Variants in ARHGEF26 observed in about 807,000 individuals in gnomAD.
The protein encoded by ARHGEF26 is Rho guanine nucleotide exchange factor 26.
Under a neutral mutation model 89.4 loss-of-function variants are expected in ARHGEF26, and 59 were observed. That is an observed-to-expected ratio of 0.66 (90% CI 0.54 to 0.82). The LOEUF is 0.82. Among genes scored for constraint, ARHGEF26 ranks in the 40% least tolerant of loss-of-function variants. ARHGEF26 has a pLI of 0.00. For missense variants in ARHGEF26, 1,234 were observed against 1,085.6 expected (o/e 1.14, Z -1.92); for synonymous variants, 500 against 428.4 (o/e 1.17, Z -2.06).
intron 5 of ARHGEF26, 106 bp downstream of exon 5, chr3:154,149,551 GA>G (rs888130091): frequency 5.4e-6 from 5 of 927,316 alleles, no homozygotes; most frequent in Non-Finnish European, 6.2e-6. Context: ...GTTGCCCTTT[GA>G]AAATGTATTT....
chr3:154,234,919 C>T (rs1246164529), intron 11 of ARHGEF26, among the ~76,000 whole-genome samples: 2 of 152,246 alleles, frequency 1.3e-5, no homozygotes, highest in African/African-American at 4.8e-5. Flanking sequence ...GCGCTCACCA[C>T]CGCGCCCGGC....
At chr3:154,151,532 G>A (rs1720020643) in intron 5 of ARHGEF26, among the ~76,000 whole-genome samples, 1 of 152,072 alleles carries the variant, frequency 6.6e-6, no homozygotes, top group African/African-American at 2.4e-5. Context: ...ATAGTTTTTG[G>A]GGGTTATTGT....
At chr3:154,165,448 A>G (rs2108126365) in intron 6 of ARHGEF26, among the ~76,000 whole-genome samples, 1 of 152,282 alleles carries the variant, frequency 6.6e-6, no homozygotes, top group Middle Eastern at 3.4e-3. Flanking sequence ...AATTATTTAG[A>G]ACTAAGATAC....
At chr3:154,204,370 T>A (rs1334840278) in intron 9 of ARHGEF26, among the ~76,000 whole-genome samples, 1 of 147,426 alleles carries the variant, frequency 6.8e-6, no homozygotes, top group Non-Finnish European at 1.5e-5. Flanking sequence ...AGTTTTGCTG[T>A]ATCTCCCAGG....
chr3:154,129,617 C>T lies in ARHGEF26; in HGVS notation c.1167C>T (p.Asp389=), dbSNP rs1436435290. ...AAAACTACAAGGAAAAGGCCCTTGACATTGATTCTGATGAAGAGTCAGAGC... is the reference window on the plus strand; with the variant it reads ...AAAACTACAAGGAAAAGGCCCTTGATATTGATTCTGATGAAGAGTCAGAGC... ...LYQNYKEKAL[D]IDSDEESEPK... The change falls in exon 4 of 15, where the codon GAC becomes GAT. Residue 389 remains aspartate, a synonymous_variant. Transcript: ENST00000465093. 7 of 1,611,636 alleles carry T rather than the reference C, an allele frequency of 4.3e-6. No individual in the cohort carries two copies. Among genetic ancestry groups the T allele is most frequent in the Non-Finnish European group, 5.9e-6 (7 of 1,178,924 alleles).
intron 9 of ARHGEF26, among the ~76,000 whole-genome samples, chr3:154,206,842 A>G (rs1559898476): frequency 6.6e-6 from 1 of 152,208 alleles, no homozygotes; most frequent in African/African-American, 2.4e-5. Context: ...TGGAGGCATC[A>G]CAGTACCTGA....
chr3:154,198,553 A>G (rs747608705), intron 9 of ARHGEF26, among the ~76,000 whole-genome samples: 4 of 152,230 alleles, frequency 2.6e-5, no homozygotes, highest in Non-Finnish European at 2.9e-5. Context: ...AGTTGTAAAA[A>G]GAAACAAAAT....
intron 9 of ARHGEF26, among the ~76,000 whole-genome samples, chr3:154,216,510 T>TTTTTTTTTA (rs1559905716): frequency 3.2e-4 from 2 of 6,228 alleles, no homozygotes; most frequent in African/African-American, 6.9e-4. Context: ...TTATTTTTTA[T>TTTTTTTTTA]TTTTTTTTTA....
chr3:154,132,047 G>T (rs1445036762), intron 4 of ARHGEF26, among the ~76,000 whole-genome samples: 1 of 152,158 alleles, frequency 6.6e-6, no homozygotes, highest in Non-Finnish European at 1.5e-5. Context: ...CGGGAGGCTT[G>T]TGTGTGTTTA....
chr3:154,219,590 TAAAAA>T (rs956719129), intron 10 of ARHGEF26, among the ~76,000 whole-genome samples: 1 of 121,452 alleles, frequency 8.2e-6, no homozygotes, highest in African/African-American at 3.1e-5. Context: ...GCAAGACTCT[TAAAAA>T]AAAAAAAAGA....
intron 7 of ARHGEF26, among the ~76,000 whole-genome samples, chr3:154,189,485 A>C (rs1449457866): frequency 6.6e-6 from 1 of 151,826 alleles, no homozygotes; most frequent in African/African-American, 2.4e-5. Flanking sequence ...CTACAAGTGC[A>C]TGCCACCACA....
intron 4 of ARHGEF26, 75 bp downstream of exon 4, chr3:154,129,794 T>C (rs1576681022): frequency 2.7e-6 from 4 of 1,466,748 alleles, no homozygotes; most frequent in African/African-American, 1.4e-5. Context: ...ATTTGGCTTT[T>C]GTTCTTTTCT....
chr3:154,139,148 A>T (rs542998099), intron 4 of ARHGEF26, among the ~76,000 whole-genome samples: 1 of 152,204 alleles, frequency 6.6e-6, no homozygotes, highest in East Asian at 1.9e-4. Flanking sequence ...TGTCATGTGC[A>T]CAGACATTTG....
chr3:154,251,606 C>G (rs1322702109), intron 12 of ARHGEF26, among the ~76,000 whole-genome samples: 1 of 152,164 alleles, frequency 6.6e-6, no homozygotes, highest in East Asian at 1.9e-4. Context: ...GCCCTAGAAA[C>G]AGGATTATCA....
chr3:154,213,255 A>G lies in ARHGEF26; in HGVS notation c.1846-4614A>G, dbSNP rs555727096. 3.4e-5 allele frequency among the ~76,000 whole-genome samples: 5 copies of G among 148,634 alleles called. No homozygotes were observed. The South Asian group carries it at 1.1e-3, about 32-fold the overall frequency. ...TGTGTGTGTGTGTATATATATATAT[A>G]TGCTTTTGTTCCAGGCCTAATATAT... is the stretch of plus-strand genomic sequence containing the variant. On this transcript the variant is annotated intron_variant, in intron 9 of 14. Coordinates refer to ENST00000465093, the MANE Select transcript of ARHGEF26 (RefSeq NM_015595.4).
intron 9 of ARHGEF26, among the ~76,000 whole-genome samples, chr3:154,195,356 T>C (rs1485214412): frequency 6.6e-6 from 1 of 152,232 alleles, no homozygotes; most frequent in African/African-American, 2.4e-5. Flanking sequence ...GGCCTTGTTA[T>C]ACATGCTAGG....
intron 10 of ARHGEF26, among the ~76,000 whole-genome samples, chr3:154,220,761 G>C (rs985324987): frequency 2.6e-5 from 4 of 151,988 alleles, no homozygotes; most frequent in African/African-American, 7.3e-5. Context: ...ATGGGGAAAG[G>C]CTTTTCCAAC....
At chr3:154,252,606 C>G (rs1393581300) in intron 12 of ARHGEF26, among the ~76,000 whole-genome samples, 1 of 152,140 alleles carries the variant, frequency 6.6e-6, no homozygotes, top group Non-Finnish European at 1.5e-5. Flanking sequence ...CAAAGAATTT[C>G]TATTTCAGTA....
intron 12 of ARHGEF26, among the ~76,000 whole-genome samples, chr3:154,245,067 G>A (rs1473872347): frequency 6.6e-6 from 1 of 152,120 alleles, no homozygotes; most frequent in Non-Finnish European, 1.5e-5. Flanking sequence ...TCACTCTGTC[G>A]CCGGGGCTGG....
Sources: gnomAD v4.1 joint callset for allele counts (sites outside exome capture counted in the v4.1 genomes callset) on GRCh38, gnomAD v4.1.1 for gene constraint, MANE v1.5 for transcripts, NCBI Gene and HGNC (gene_info 2026-07-23, HGNC 2026-07-21) for gene names.